The following PRDM16 variants were observed in gnomAD, a reference collection of about 807,000 sequenced individuals.
PRDM16 encodes the protein PR/SET domain 16.
PRDM16 carries 23 observed loss-of-function variants against 110.6 expected under a neutral mutation model. The ratio of observed to expected loss-of-function variants is 0.21; its 90% confidence interval spans 0.15 to 0.29. PRDM16 has a LOEUF of 0.29. Ranked by LOEUF, PRDM16 falls within the 10% of genes least tolerant of loss-of-function variation. PRDM16 has a pLI of 1.00. For synonymous variants in PRDM16, 799 were observed against 781.8 expected, an observed-to-expected ratio of 1.02 and a Z score of -0.37; for missense variants, 1,615 against 1,794.3, an observed-to-expected ratio of 0.90 and a Z score of 1.81.
Position 3,358,525 on chromosome 1 carries a change from TC to T in PRDM16, c.439-26624del, listed in dbSNP as rs1417542664. On this transcript the variant is annotated intron_variant, in intron 3 of 16. Transcript: ENST00000270722. The surrounding 1 kb of genome is among the most constrained non-coding windows in gnomAD (Gnocchi z 4.0). ...TGCAGCTGGAATAAGGTTCCAGTGT[TC>T]CCTTTCCCGTCACCAGGCAGAGCCC... 1.3e-5 allele frequency among the ~76,000 whole-genome samples: 2 copies of T among 152,110 alleles called. No homozygotes were observed. The highest frequency in any genetic ancestry group is 2.9e-5 in the Non-Finnish European group (2 of 68,024).
intron 3 of PRDM16, among the ~76,000 whole-genome samples, chr1:3,268,824 G>A (rs888559927): frequency 6.6e-6 from 1 of 152,216 alleles, no homozygotes; most frequent in Non-Finnish European, 1.5e-5. Context: ...CAGTCCAGGG[G>A]CTCCCAGCCT....
chr1:3,123,617 G>T (rs1643143055), intron 1 of PRDM16, among the ~76,000 whole-genome samples: 1 of 152,256 alleles, frequency 6.6e-6, no homozygotes, highest in South Asian at 2.1e-4. Context: ...AACTGGGAGG[G>T]GGGGCAGCCC....
intron 1 of PRDM16, among the ~76,000 whole-genome samples, chr1:3,139,151 C>T (rs144801750): frequency 6.0e-5 from 9 of 149,854 alleles, no homozygotes; most frequent in Admixed American, 2.6e-4. Context: ...TTCAGGTTCT[C>T]GTTTCAGAGC....
intron 1 of PRDM16, among the ~76,000 whole-genome samples, chr1:3,182,338 G>A (rs1416162476): frequency 4.6e-5 from 7 of 152,316 alleles, no homozygotes; most frequent in South Asian, 2.1e-4. Flanking sequence ...CACTGCTCGT[G>A]TGGCCCTGGC....
intron 1 of PRDM16, among the ~76,000 whole-genome samples, chr1:3,097,469 T>G (rs1442575275): frequency 6.6e-6 from 1 of 152,172 alleles, no homozygotes; most frequent in East Asian, 1.9e-4. Context: ...AGGTGAATGG[T>G]GGTAGGTGCT....
At chr1:3,224,725 C>T (rs879028468) in intron 2 of PRDM16, among the ~76,000 whole-genome samples, 1 of 152,252 alleles carries the variant, frequency 6.6e-6, no homozygotes, top group Admixed American at 6.5e-5. Flanking sequence ...ATAAAAGATA[C>T]TGTGGGCTCC....
chr1:3,347,813 G>C (rs1377994934), intron 3 of PRDM16, among the ~76,000 whole-genome samples: 2 of 152,322 alleles, frequency 1.3e-5, no homozygotes, highest in African/African-American at 4.8e-5. Flanking sequence ...GCTCTGGGCT[G>C]GGGCGGGAAC....
intron 2 of PRDM16, chr1:3,207,534 T>G (rs1408099882): frequency 6.6e-6 from 1 of 152,250 alleles, no homozygotes; most frequent in Non-Finnish European, 1.5e-5. Context: ...CTTTGCCCAG[T>G]TCTCTGGCCT....
chr1:3,376,909 C>A (rs1181421930), intron 3 of PRDM16, among the ~76,000 whole-genome samples: 1 of 152,194 alleles, frequency 6.6e-6, no homozygotes, highest in Non-Finnish European at 1.5e-5. Context: ...CACCACCCAG[C>A]CCCCTATTGG....
At chr1:3,160,660 T>C (rs924749544) in intron 1 of PRDM16, among the ~76,000 whole-genome samples, 1 of 152,158 alleles carries the variant, frequency 6.6e-6, no homozygotes, top group African/African-American at 2.4e-5. Context: ...GTCCCTGCCC[T>C]AGAACCCCGT....
chr1:3,171,118 CCT>C (rs1644020528), intron 1 of PRDM16, among the ~76,000 whole-genome samples: 1 of 152,216 alleles, frequency 6.6e-6, no homozygotes, highest in East Asian at 1.9e-4. Flanking sequence ...TGCTCGGGGC[CCT>C]CTCTCCCTCT....
At chr1:3,341,050 GC>G (rs1263081464) in intron 3 of PRDM16, among the ~76,000 whole-genome samples, 1 of 134,684 alleles carries the variant, frequency 7.4e-6, no homozygotes, top group East Asian at 2.1e-4. Context: ...ACGCTCCTTG[GC>G]CAAGTTGCTG....
At chr1:3,089,759 C>T (rs754321372) in intron 1 of PRDM16, among the ~76,000 whole-genome samples, 10 of 152,160 alleles carry the variant, frequency 6.6e-5, no homozygotes, top group Non-Finnish European at 1.2e-4. Context: ...ACTTGCATCC[C>T]GAGGCCGGGT....
At chr1:3,318,101 C>T (rs1445236226) in intron 3 of PRDM16, among the ~76,000 whole-genome samples, 1 of 152,116 alleles carries the variant, frequency 6.6e-6, no homozygotes, top group Non-Finnish European at 1.5e-5. Flanking sequence ...CAGTCATGAG[C>T]CGGAGTTGAT....
intron 2 of PRDM16, among the ~76,000 whole-genome samples, chr1:3,198,896 T>TA (rs1208137261): frequency 1.3e-5 from 2 of 152,212 alleles, no homozygotes; most frequent in African/African-American, 4.8e-5. Flanking sequence ...TAGATCTCTC[T>TA]AAAGTCCATT....
chr1:3,146,336 T>A (rs1352055572), intron 1 of PRDM16, among the ~76,000 whole-genome samples: 2 of 152,246 alleles, frequency 1.3e-5, no homozygotes, highest in East Asian at 3.8e-4. Flanking sequence ...ATGGGGATAA[T>A]CATATAAACC....
At chr1:3,417,299 T>TGGTGGC (rs1453400750) in intron 10 of PRDM16, among the ~76,000 whole-genome samples, 4 of 152,272 alleles carry the variant, frequency 2.6e-5, no homozygotes, top group African/African-American at 7.2e-5. Context: ...TGCTGCCACT[T>TGGTGGC]GGTGGCAGTG....
intron 8 of PRDM16, among the ~76,000 whole-genome samples, chr1:3,409,646 ATG>A (rs747460172): frequency 1.0e-4 from 15 of 150,696 alleles, no homozygotes; most frequent in Non-Finnish European, 1.8e-4. Context: ...ACTCGCCGGG[ATG>A]TGTGTGTGTG....
At chr1:3,204,999 T>C (rs547001511) in intron 2 of PRDM16, among the ~76,000 whole-genome samples, 21 of 151,194 alleles carry the variant, frequency 1.4e-4, no homozygotes, top group African/African-American at 3.6e-4. Flanking sequence ...CTGAATGGGG[T>C]AAAGAAGGGA....
Sources: gnomAD v4.1 joint callset for allele counts (sites outside exome capture counted in the v4.1 genomes callset) on GRCh38, gnomAD v4.1.1 for gene constraint, Gnocchi (gnomAD v3.1) non-coding constraint, MANE v1.5 for transcripts, NCBI Gene and HGNC (gene_info 2026-07-23, HGNC 2026-07-21) for gene names.